The following ABTB2 variants were observed in gnomAD, a reference collection of about 807,000 sequenced individuals.
ABTB2 encodes the protein ankyrin repeat and BTB/POZ domain-containing protein 2.
In ABTB2, 56 loss-of-function variants were observed where a neutral mutation model predicts 104.1. That is an observed-to-expected ratio of 0.54 (90% confidence interval 0.43 to 0.67). The LOEUF (loss-of-function observed/expected upper bound fraction) is 0.67, where lower values mean the gene tolerates loss of function less well. Ranked by LOEUF, ABTB2 falls within the 30% of genes least tolerant of loss-of-function variation. The pLI is 0.00. For synonymous variants in ABTB2, 606 were observed against 608.2 expected, an observed-to-expected ratio of 1.00 and a Z score of 0.05; for missense variants, 1,279 against 1,407.7, an observed-to-expected ratio of 0.91 and a Z score of 1.46.
chr11:34,154,633 G>T lies in ABTB2; in HGVS notation c.2766+68C>A, dbSNP rs376206445. 6 of 1,493,786 alleles carry T rather than the reference G, an allele frequency of 4.0e-6. No individual in the cohort carries two copies. Among genetic ancestry groups the T allele is most frequent in the East Asian group, 4.5e-5 (2 of 44,250 alleles). 92.5% of individuals were successfully genotyped at this position (1,493,786 alleles called of 1,614,324 possible). ...AGGAAGAGCCACCTTCCCTCTGAAG[G>T]GGGTGAATGGGAGACCGAGCCGCTG... On this transcript the variant is annotated intron_variant, in intron 15 of 16. Transcript: ENST00000435224. This position sits in a 1 kb window ranked among gnomAD's most constrained non-coding sequence, Gnocchi z 4.9.
chr11:34,262,844 C>T (rs1854204482), intron 1 of ABTB2, among the ~76,000 whole-genome samples: 1 of 152,120 alleles, frequency 6.6e-6, no homozygotes, highest in African/African-American at 2.4e-5. Flanking sequence ...CTCAGGTGCC[C>T]AGGAGGTCAG....
chr11:34,192,101 G>T (rs760909877), intron 3 of ABTB2, among the ~76,000 whole-genome samples: 2 of 152,160 alleles, frequency 1.3e-5, no homozygotes, highest in Non-Finnish European at 2.9e-5. Context: ...GACCAACCTG[G>T]GCAACATGGT....
chr11:34,241,330 G>A (rs945626454), intron 1 of ABTB2, among the ~76,000 whole-genome samples: 1 of 152,170 alleles, frequency 6.6e-6, no homozygotes, highest in Non-Finnish European at 1.5e-5. Flanking sequence ...TGCGTTGAGA[G>A]AGCCAGGAAA....
At chr11:34,325,661 G>C (rs892131971) in intron 1 of ABTB2, among the ~76,000 whole-genome samples, 2 of 152,140 alleles carry the variant, frequency 1.3e-5, no homozygotes, top group Non-Finnish European at 1.5e-5. Context: ...CTGGTCAAAT[G>C]CTGGATAGGC....
chr11:34,196,414 C>T (rs946661764), intron 3 of ABTB2, among the ~76,000 whole-genome samples: 4 of 152,142 alleles, frequency 2.6e-5, no homozygotes, highest in African/African-American at 4.8e-5. Context: ...ATTAGCCAGG[C>T]GTGGTGGCGG....
intron 1 of ABTB2, among the ~76,000 whole-genome samples, chr11:34,354,246 C>T (rs1397010885): frequency 6.6e-6 from 1 of 151,998 alleles, no homozygotes; most frequent in Non-Finnish European, 1.5e-5. Flanking sequence ...TGTTGTCTGC[C>T]ACAGAGAATC....
chr11:34,201,798 T>C (rs1202157796), intron 2 of ABTB2, among the ~76,000 whole-genome samples: 1 of 152,248 alleles, frequency 6.6e-6, no homozygotes, highest in Non-Finnish European at 1.5e-5. Context: ...GCCTGTTCTC[T>C]GGTCTGTGAA....
At position 34,167,244 on chromosome 11, in the gene ABTB2, C is replaced by T; in HGVS notation, c.1755+15G>A. The T allele has an allele frequency of 6.3e-7, 1 of 1,597,992 alleles. No homozygotes were observed. The highest frequency in any genetic ancestry group is 8.5e-7 in the Non-Finnish European group (1 of 1,171,678). ...GTAAGCTGGGGGGCATGGTGTTCACCTGGCAGGAGCTCACCTGGACCACAG... is the reference window on the plus strand; with the variant it reads ...GTAAGCTGGGGGGCATGGTGTTCACTTGGCAGGAGCTCACCTGGACCACAG... On this transcript the variant is annotated intron_variant, in intron 7 of 16. Transcript: ENST00000435224.
Position 34,160,016 on chromosome 11 carries a change from A to T in ABTB2, c.2504-8T>A, listed in dbSNP as rs769607828. On this transcript the variant is annotated splice_polypyrimidine_tract_variant and splice_region_variant and intron_variant, in intron 12 of 16. Coordinates refer to ENST00000435224, the MANE Select transcript of ABTB2 (RefSeq NM_145804.3). ...TGTTCAAAAAGTGTGGATCTGTGAA[A>T]AGCGGGGAGACAGAGGGATATGGCT... 6.7e-5 allele frequency: 107 copies of T among 1,606,634 alleles called. No individual in the cohort carries two copies. The highest frequency in any genetic ancestry group is 8.7e-5 in the Non-Finnish European group (102 of 1,174,090).
chr11:34,319,815 T>C (rs1222676205), intron 1 of ABTB2, among the ~76,000 whole-genome samples: 3 of 152,152 alleles, frequency 2.0e-5, no homozygotes, highest in Non-Finnish European at 4.4e-5. Context: ...ACTACAGGCA[T>C]GCACCACCAC....
Position 34,339,928 on chromosome 11 carries a change from C to G in ABTB2, c.883+16773G>C, listed in dbSNP as rs147583729. Among the ~76,000 whole-genome samples the G allele has an allele frequency of 6.7e-3, 1,026 of 152,222 alleles. 6 individuals are homozygous for G. The highest frequency in any genetic ancestry group is 0.01 in the Non-Finnish European group (699 of 68,014). On this transcript the variant is annotated intron_variant, in intron 1 of 16. Transcript: ENST00000435224. ...GGGTGGTGCTTGTTAGCTTGTTATACAGCTGGAACCAGCAGGAAGGAGGCA... is the reference window on the plus strand; with the variant it reads ...GGGTGGTGCTTGTTAGCTTGTTATAGAGCTGGAACCAGCAGGAAGGAGGCA...
intron 1 of ABTB2, among the ~76,000 whole-genome samples, chr11:34,349,513 G>C (rs1453119968): frequency 6.6e-6 from 1 of 152,160 alleles, no homozygotes. Flanking sequence ...TTGCACCAGA[G>C]ACTTTGGCAA....
intron 1 of ABTB2, among the ~76,000 whole-genome samples, chr11:34,316,038 C>T (rs571193920): frequency 4.3e-4 from 66 of 152,348 alleles, no homozygotes; most frequent in African/African-American, 1.6e-3. Context: ...TTTTATCCAA[C>T]ACTTGACAAG....
intron 1 of ABTB2, among the ~76,000 whole-genome samples, chr11:34,307,670 T>C (rs1026509873): frequency 1.2e-4 from 19 of 152,072 alleles, no homozygotes; most frequent in Non-Finnish European, 2.9e-5. Flanking sequence ...GTTAATGGTT[T>C]GAGTCTGGCC....
chr11:34,282,433 C>T (rs1009958310), intron 1 of ABTB2, among the ~76,000 whole-genome samples: 1 of 152,112 alleles, frequency 6.6e-6, no homozygotes, highest in Admixed American at 6.5e-5. Context: ...TGAGATCACA[C>T]TTTTGTAAAG....
In ABTB2 at chr11:34,357,482, GGAC is replaced by G. The variant is rs1439782890; in HGVS notation, c.99_101del (p.Ser35del). 6.5e-7 allele frequency: 1 copy of G among 1,545,766 alleles called. No homozygotes were observed. Among genetic ancestry groups the G allele is most frequent in the East Asian group, 2.4e-5 (1 of 40,904 alleles). On this transcript the variant is annotated inframe_deletion, in exon 1 of 17. Transcript: ENST00000435224. ...TGAGCGCCTGCGAGTTGGACTTGGAGGACGAGAGGCTGAGCGAGCGGCACGAGT... is the reference window on the plus strand; with the variant it reads ...TGAGCGCCTGCGAGTTGGACTTGGAGGAGAGGCTGAGCGAGCGGCACGAGT...
At chr11:34,202,282 T>G (rs149596311) in intron 2 of ABTB2, among the ~76,000 whole-genome samples, 1 of 152,168 alleles carries the variant, frequency 6.6e-6, no homozygotes, top group South Asian at 2.1e-4. Flanking sequence ...AGGACCAATG[T>G]ACTTGAGGAT....
chr11:34,353,177 C>T (rs1290000106), intron 1 of ABTB2, among the ~76,000 whole-genome samples: 2 of 152,224 alleles, frequency 1.3e-5, no homozygotes. Flanking sequence ...TCCTTTTGTA[C>T]ACCCTGGATA....
rs866272393 is a variant in ABTB2 at position 34,304,426 on chromosome 11, T to C, written c.883+52275A>G. On this transcript the variant is annotated intron_variant, in intron 1 of 16. Coordinates refer to ENST00000435224, the MANE Select transcript of ABTB2 (RefSeq NM_145804.3). ...GCACCTGGCAGTTATTGTATTAAAG[T>C]AATTATGTGCCAATACTGTCACAAG... is the stretch of plus-strand genomic sequence containing the variant. 9.2e-5 allele frequency among the ~76,000 whole-genome samples: 14 copies of C among 152,256 alleles called. 1 individual carries two copies. In the South Asian group the frequency reaches 2.9e-3, roughly 32 times the overall value.
Sources: gnomAD v4.1 joint callset for allele counts (sites outside exome capture counted in the v4.1 genomes callset) on GRCh38, gnomAD v4.1.1 for gene constraint, Gnocchi (gnomAD v3.1) non-coding constraint, MANE v1.5 for transcripts, NCBI Gene and HGNC (gene_info 2026-07-23, HGNC 2026-07-21) for gene names.